The following GLIS3 variants were observed in gnomAD, a reference collection of about 807,000 sequenced individuals.
The protein encoded by GLIS3 is GLIS family zinc finger 3.
A neutral mutation model predicts 78.6 loss-of-function variants in GLIS3; 53 were observed. That is an observed-to-expected ratio of 0.67 (90% CI 0.54 to 0.85). The LOEUF is 0.85. Among genes scored for constraint, GLIS3 ranks in the 40% least tolerant of loss-of-function variants. The probability of loss-of-function intolerance (pLI) is 0.00; values close to 1 mark genes in which losing one functional copy is unlikely to be tolerated. For missense variants in GLIS3, 1,703 were observed against 1,231.1 expected, an observed-to-expected ratio of 1.38 and a Z score of -5.74; for synonymous variants, 684 against 509.9, an observed-to-expected ratio of 1.34 and a Z score of -4.60.
In GLIS3 at chr9:3,919,218, A is replaced by G. The variant is rs138758206; in HGVS notation, c.1983+13142T>C. On this transcript the variant is annotated intron_variant, in intron 6 of 10. Coordinates refer to ENST00000381971, the MANE Select transcript of GLIS3 (RefSeq NM_001042413.2). ...CATGCCAAGAACTTGTTGATAAGTT[A>G]TAAAATTTTCAGTGTTGGGAAATCA... Among the ~76,000 whole-genome samples, 253 of 152,378 alleles carry G rather than the reference A, an allele frequency of 1.7e-3. 3 individuals are homozygous for G. Among genetic ancestry groups the G allele is most frequent in the African/African-American group, 6.0e-3 (251 of 41,590 alleles).
intron 4 of GLIS3, among the ~76,000 whole-genome samples, chr9:4,104,558 T>G (rs1480187079): frequency 6.6e-6 from 1 of 152,174 alleles, no homozygotes; most frequent in Non-Finnish European, 1.5e-5. Context: ...AAAACATAAG[T>G]CAGACCCTAT....
intron 9 of GLIS3, among the ~76,000 whole-genome samples, chr9:3,853,255 C>G (rs1819546630): frequency 6.6e-6 from 1 of 152,032 alleles, no homozygotes; most frequent in Non-Finnish European, 1.5e-5. Flanking sequence ...CCAACAATTT[C>G]AAGTTGACAA....
chr9:3,934,485 C>A (rs1042163459), intron 5 of GLIS3, among the ~76,000 whole-genome samples: 2 of 151,330 alleles, frequency 1.3e-5, no homozygotes, highest in Non-Finnish European at 2.9e-5. Flanking sequence ...TCTCGGCTCA[C>A]TGCAACCTCC....
chr9:4,065,641 T>C (rs1331365167), intron 4 of GLIS3, among the ~76,000 whole-genome samples: 2 of 152,126 alleles, frequency 1.3e-5, no homozygotes, highest in Non-Finnish European at 2.9e-5. Flanking sequence ...AGAAAAAAAA[T>C]AAGTAGCAAG....
At chr9:4,167,718 C>A (rs1815993984) in intron 2 of GLIS3, among the ~76,000 whole-genome samples, 1 of 152,250 alleles carries the variant, frequency 6.6e-6, no homozygotes, top group Non-Finnish European at 1.5e-5. Context: ...CCACAGCTCA[C>A]TCACGTTCCT....
intron 2 of GLIS3, among the ~76,000 whole-genome samples, chr9:4,248,432 T>C (rs530824237): frequency 6.6e-6 from 1 of 152,334 alleles, no homozygotes; most frequent in East Asian, 1.9e-4. Context: ...TTCTTTTTTA[T>C]GGCTGCATAG....
intron 2 of GLIS3, among the ~76,000 whole-genome samples, chr9:4,167,545 G>A (rs542709101): frequency 6.6e-6 from 1 of 152,148 alleles, no homozygotes; most frequent in Non-Finnish European, 1.5e-5. Flanking sequence ...ATGCCTGACA[G>A]AGTGCTGGTA....
In GLIS3 at chr9:3,824,190, C is replaced by T. The variant is rs568591645; in HGVS notation, c.*4082G>A. The T allele has an allele frequency of 3.3e-5, 5 of 152,744 alleles. No homozygotes were observed. In the South Asian group the frequency reaches 8.3e-4, roughly 25 times the overall value. 9.5% of individuals were successfully genotyped at this position (152,744 alleles called of 1,614,324 possible). A position where few individuals can be genotyped will look rare whatever the true frequency, so the allele number is the denominator to read the frequency against. Reference sequence around the variant, plus strand: ...AAACTTCATGTTTTATTTATGGACACTCCCAACATGTAAAGGACTCAGGGA... The same window carrying T: ...AAACTTCATGTTTTATTTATGGACATTCCCAACATGTAAAGGACTCAGGGA... On this transcript the variant is annotated 3_prime_UTR_variant, in exon 11 of 11. Coordinates refer to ENST00000381971, the MANE Select transcript of GLIS3 (RefSeq NM_001042413.2).
the GLIS3 span, among the ~76,000 whole-genome samples, chr9:4,412,454 C>G: frequency 6.6e-6 from 1 of 152,112 alleles, no homozygotes; most frequent in Non-Finnish European, 1.5e-5. Context: ...ACCTAAGACA[C>G]AAGTGGTCTA....
rs1031948189 is a variant in GLIS3, at chr9:3,977,118, C to T, written c.1711-39929G>A. Among the ~76,000 whole-genome samples the T allele has an allele frequency of 1.3e-5, 2 of 152,100 alleles. No individual in the cohort carries two copies. Among genetic ancestry groups the T allele is most frequent in the African/African-American group, 2.4e-5 (1 of 41,410 alleles). On this transcript the variant is annotated intron_variant, in intron 4 of 10. Transcript: ENST00000381971. The surrounding 1 kb of genome is among the most constrained non-coding windows in gnomAD (Gnocchi z 4.1). ...TGAACTGCATACTGCTAGTTGATGACCAGTTTTCACTTAGGATCTGCAGAA... is the reference window on the plus strand; with the variant it reads ...TGAACTGCATACTGCTAGTTGATGATCAGTTTTCACTTAGGATCTGCAGAA...
chr9:4,341,014 C>A (rs1042070394), intron 2 of GLIS3, among the ~76,000 whole-genome samples: 4 of 152,226 alleles, frequency 2.6e-5, no homozygotes, highest in Non-Finnish European at 5.9e-5. Context: ...ACACCCACAA[C>A]TGGCATCTGA....
the GLIS3 span, among the ~76,000 whole-genome samples, chr9:4,385,253 C>T: frequency 2.6e-5 from 4 of 152,168 alleles, no homozygotes; most frequent in Non-Finnish European, 5.9e-5. Flanking sequence ...CTAAAAATTT[C>T]AAGGATTTTC....
intron 2 of GLIS3, among the ~76,000 whole-genome samples, chr9:4,334,525 T>C (rs1468787322): frequency 6.6e-6 from 1 of 152,198 alleles, no homozygotes; most frequent in East Asian, 1.9e-4. Context: ...TCTGGCTCTG[T>C]TTGCAGTGCC....
chr9:3,901,211 G>A lies in GLIS3; in HGVS notation c.1984-2376C>T, dbSNP rs141853520. 114 of 173,050 alleles carry A rather than the reference G, an allele frequency of 6.6e-4. 1 individual carries two copies. The highest frequency in any genetic ancestry group is 2.6e-3 in the African/African-American group (107 of 41,844). The allele number at this position is 173,050 out of a possible 1,614,324, so 10.7% of individuals were successfully genotyped here. A position where few individuals can be genotyped will look rare whatever the true frequency, so the allele number is the denominator to read the frequency against. On this transcript the variant is annotated intron_variant, in intron 6 of 10. Transcript: ENST00000381971. Reference sequence around the variant, plus strand: ...CTGACTCCCTTTTCAGACTCAGCCCGCTCGCACCGGAGTGAATAAACAGCC... The same window carrying A: ...CTGACTCCCTTTTCAGACTCAGCCCACTCGCACCGGAGTGAATAAACAGCC...
At chr9:3,877,707 T>G (rs926233332) in intron 8 of GLIS3, among the ~76,000 whole-genome samples, 2 of 152,248 alleles carry the variant, frequency 1.3e-5, no homozygotes. Context: ...TTAGTAATTC[T>G]GCCTCCTAAA....
At chr9:4,115,397 A>G (rs1483674318) in intron 4 of GLIS3, among the ~76,000 whole-genome samples, 1 of 152,170 alleles carries the variant, frequency 6.6e-6, no homozygotes, top group Non-Finnish European at 1.5e-5. Context: ...GCTTTCAGTC[A>G]ACTACCATCA....
At chr9:4,460,015 C>A in the GLIS3 span, among the ~76,000 whole-genome samples, 1 of 152,002 alleles carries the variant, frequency 6.6e-6, no homozygotes, top group African/African-American at 2.4e-5. Context: ...AAGTTTGTGC[C>A]GCTAAAGTGG....
At chr9:4,304,810 T>C (rs980467914), upstream of GLIS3, among the ~76,000 whole-genome samples, 1 of 152,200 alleles carries the variant, frequency 6.6e-6, no homozygotes, top group Non-Finnish European at 1.5e-5. Flanking sequence ...TTGAAAAAAC[T>C]TGGAGATTTT....
the GLIS3 span, among the ~76,000 whole-genome samples, chr9:4,362,096 A>G: frequency 1.3e-5 from 2 of 152,232 alleles, no homozygotes; most frequent in South Asian, 4.1e-4. Flanking sequence ...GGTGCTCACC[A>G]GCTCCCCGCA....
Sources: gnomAD v4.1 joint callset for allele counts (sites outside exome capture counted in the v4.1 genomes callset) on GRCh38, gnomAD v4.1.1 for gene constraint, Gnocchi (gnomAD v3.1) non-coding constraint, MANE v1.5 for transcripts, NCBI Gene and HGNC (gene_info 2026-07-23, HGNC 2026-07-21) for gene names.